The following NAV2 variants were observed in gnomAD, a reference collection of about 807,000 sequenced individuals.
NAV2 encodes helicase, APC down-regulated 1.
Under a neutral mutation model 223.2 loss-of-function variants are expected in NAV2, and 54 were observed. The ratio of observed to expected loss-of-function variants is 0.24; its 90% CI spans 0.19 to 0.30. NAV2 has a LOEUF of 0.30. Ranked by LOEUF, NAV2 falls within the 10% of genes least tolerant of loss-of-function variation. The pLI is 1.00. For synonymous variants in NAV2, 1,279 were observed against 1,239.3 expected (o/e 1.03, Z -0.67); for missense variants, 2,806 against 3,147.5 (o/e 0.89, Z 2.60).
At chr11:19,936,198 C>A (rs193044025) in intron 7 of NAV2, among the ~76,000 whole-genome samples, 1 of 152,042 alleles carries the variant, frequency 6.6e-6, no homozygotes, top group African/African-American at 2.4e-5. Flanking sequence ...GTGGAGGCAA[C>A]TAAATAGCTC....
chr11:20,107,604 C>A, intron 35 of NAV2, 60 bp from the exon 36 acceptor site: 1 of 1,341,734 alleles, frequency 7.5e-7, no homozygotes. Context: ...CATGGCTTCA[C>A]CTGATGCCCC....
chr11:20,050,746 C>T (rs563848270), intron 16 of NAV2, among the ~76,000 whole-genome samples: 1 of 152,308 alleles, frequency 6.6e-6, no homozygotes, highest in South Asian at 2.1e-4. Context: ...ATGCCTGGGC[C>T]GCAGAAATTG....
chr11:19,969,388 T>C (rs1238095578), intron 10 of NAV2, among the ~76,000 whole-genome samples: 1 of 152,216 alleles, frequency 6.6e-6, no homozygotes, highest in Admixed American at 6.5e-5. Context: ...TTCTGTATCA[T>C]TGTCTACTAT....
chr11:19,960,200 T>A (rs911516529), intron 10 of NAV2, among the ~76,000 whole-genome samples: 1 of 152,180 alleles, frequency 6.6e-6, no homozygotes, highest in Admixed American at 6.5e-5. Flanking sequence ...GTGCCAACTT[T>A]TGATCATTCA....
At chr11:19,756,279 A>C (rs1167640264) in intron 1 of NAV2, among the ~76,000 whole-genome samples, 1 of 152,192 alleles carries the variant, frequency 6.6e-6, no homozygotes, top group Non-Finnish European at 1.5e-5. Context: ...CACTTACCCT[A>C]CACCCACCCT....
rs2041062081 is a variant in NAV2 at position 19,887,062 on chromosome 11, T to C, written c.771-5372T>C. Among the ~76,000 whole-genome samples, 3 of 151,768 alleles carry C rather than the reference T, an allele frequency of 2.0e-5. No homozygotes were observed. The South Asian group carries it at 6.3e-4, about 32-fold the overall frequency. ...GATCAAGCACCACTAAGCACAGCAG[T>C]AAAGTTTGGTTGCCAAAAGAAGCAG... On this transcript the variant is annotated intron_variant, in intron 5 of 37. Coordinates refer to ENST00000349880, the MANE Select transcript of NAV2 (RefSeq NM_145117.5).
chr11:19,651,101 C>A (rs1367597835), intron 1 of NAV2, among the ~76,000 whole-genome samples: 1 of 152,098 alleles, frequency 6.6e-6, no homozygotes, highest in Non-Finnish European at 1.5e-5. Flanking sequence ...CAAGCCAGAA[C>A]CTGAATCCCA....
chr11:19,643,219 G>T (rs576100185), intron 1 of NAV2, among the ~76,000 whole-genome samples: 1 of 151,988 alleles, frequency 6.6e-6, no homozygotes, highest in African/African-American at 2.4e-5. Flanking sequence ...CAACGTGCAC[G>T]TTTGTTACAT....
At chr11:19,544,282 A>T (rs901620967) in intron 1 of NAV2, among the ~76,000 whole-genome samples, 2 of 152,176 alleles carry the variant, frequency 1.3e-5, no homozygotes, top group African/African-American at 4.8e-5. Flanking sequence ...AGTTCTTTTC[A>T]CTATCAGTCT....
chr11:19,574,429 T>C (rs1016725072), intron 1 of NAV2, among the ~76,000 whole-genome samples: 4 of 152,184 alleles, frequency 2.6e-5, no homozygotes, highest in African/African-American at 9.6e-5. Flanking sequence ...ATTCTTCCTT[T>C]AGCATCAGAT....
intron 9 of NAV2, 34 bp from the exon 10 acceptor site, chr11:19,948,657 C>CA: frequency 6.6e-7 from 1 of 1,522,974 alleles, no homozygotes; most frequent in Non-Finnish European, 8.8e-7. Context: ...ATACTAGGTA[C>CA]CTTTGAGTCT....
chr11:19,517,098 T>C (rs1183802340), intron 1 of NAV2, among the ~76,000 whole-genome samples: 1 of 151,468 alleles, frequency 6.6e-6, no homozygotes, highest in Admixed American at 6.6e-5. Context: ...AGAGAAAGGA[T>C]GTGGATTGGT....
intron 1 of NAV2, among the ~76,000 whole-genome samples, chr11:19,641,087 C>G (rs758424017): frequency 1.3e-5 from 2 of 152,168 alleles, no homozygotes; most frequent in Non-Finnish European, 2.9e-5. Context: ...CTGTTGCTGT[C>G]CATCGCACTC....
chr11:19,521,108 C>T (rs1468030777), intron 1 of NAV2, among the ~76,000 whole-genome samples: 2 of 152,172 alleles, frequency 1.3e-5, no homozygotes, highest in African/African-American at 4.8e-5. Flanking sequence ...TGGTGATGGG[C>T]CTTGGAACCC....
Position 19,985,549 on chromosome 11 carries a change from AG to A in NAV2, c.2768+1303del, listed in dbSNP as rs746945139. On this transcript the variant is annotated intron_variant, in intron 11 of 37. Transcript: ENST00000349880. ...AAACATGAACCATTTGAGAAAAAAAAGTTTTTTTTGTTTTTTTGTTGTTGTT... is the reference window on the plus strand; with the variant it reads ...AAACATGAACCATTTGAGAAAAAAAATTTTTTTTGTTTTTTTGTTGTTGTT... 1.8e-3 allele frequency among the ~76,000 whole-genome samples: 242 copies of A among 136,556 alleles called. 1 individual carries two copies. Among genetic ancestry groups the A allele is most frequent in the Admixed American group, 2.5e-3 (36 of 14,534 alleles). The allele number at this position is 136,556 out of a possible 152,430, so 89.6% of individuals were successfully genotyped here. A position where few individuals can be genotyped will look rare whatever the true frequency, so the allele number is the denominator to read the frequency against.
intron 20 of NAV2, among the ~76,000 whole-genome samples, chr11:20,067,480 C>A (rs1475111966): frequency 1.3e-5 from 2 of 151,704 alleles, no homozygotes; most frequent in East Asian, 1.9e-4. Context: ...ACATATTAGA[C>A]CCTTTATTTT....
At chr11:19,538,933 C>CA (rs35257359) in intron 1 of NAV2, among the ~76,000 whole-genome samples, 17,475 of 151,660 alleles carry the variant, frequency 0.12, 1,422 homozygotes, top group African/African-American at 0.23. Flanking sequence ...TTAAAGGCCA[C>CA]AAATCATGGA....
At chr11:19,516,619 G>T (rs962128436) in intron 1 of NAV2, among the ~76,000 whole-genome samples, 1 of 152,184 alleles carries the variant, frequency 6.6e-6, no homozygotes, top group East Asian at 1.9e-4. Flanking sequence ...AGGGTTCGGG[G>T]GAGATGATAG....
chr11:19,593,322 G>A lies in NAV2; in HGVS notation c.76-239162G>A, dbSNP rs117267138. 5.7e-3 allele frequency among the ~76,000 whole-genome samples: 864 copies of A among 152,214 alleles called. 6 individuals carry two copies. The highest frequency in any genetic ancestry group is 9.6e-3 in the Non-Finnish European group (650 of 68,030). On this transcript the variant is annotated intron_variant, in intron 1 of 37. Transcript: ENST00000360655. ...TCTTTGAGATCCATTCAGGTTGTCT[G>A]TCTATAGTTCATTCCTCTGTTCCTG...
Sources: allele counts gnomAD v4.1 joint callset (sites outside exome capture counted in the v4.1 genomes callset), GRCh38; gene constraint gnomAD v4.1.1; transcripts MANE v1.5; gene names NCBI Gene and HGNC (gene_info 2026-07-23, HGNC 2026-07-21).